Variants in AGMO observed in about 807,000 individuals in gnomAD.
The protein encoded by AGMO is alkylglycerol monooxygenase.
In AGMO, 75 loss-of-function variants were observed where a neutral mutation model predicts 60.2. The ratio of observed to expected loss-of-function variants is 1.25; its 90% CI spans 1.03 to 1.51. The LOEUF is 1.51. Among genes scored for constraint, AGMO ranks in the 40% most tolerant of loss-of-function variants. The pLI is 0.00. For missense variants in AGMO, 763 were observed against 525.5 expected (o/e 1.45, Z -4.42); for synonymous variants, 261 against 177.1 (o/e 1.47, Z -3.76).
intron 3 of AGMO, among the ~76,000 whole-genome samples, chr7:15,490,426 A>C (rs1377857691): frequency 6.6e-6 from 1 of 150,930 alleles, no homozygotes. Context: ...ATTCTTAACA[A>C]TCTTGGTCCC....
At chr7:15,330,094 TATAA>T (rs1563091022) in intron 12 of AGMO, among the ~76,000 whole-genome samples, 5 of 152,208 alleles carry the variant, frequency 3.3e-5, no homozygotes, top group Admixed American at 2.0e-4. Flanking sequence ...GAAGTTAATA[TATAA>T]AATGATTTCT....
At chr7:15,541,279 C>A (rs887266988) in intron 3 of AGMO, among the ~76,000 whole-genome samples, 10 of 152,028 alleles carry the variant, frequency 6.6e-5, no homozygotes, top group African/African-American at 2.4e-4. Flanking sequence ...TGGGCCACCA[C>A]ACCTGCTAAT....
intron 3 of AGMO, among the ~76,000 whole-genome samples, chr7:15,443,487 G>A (rs990466748): frequency 1.3e-5 from 2 of 152,116 alleles, no homozygotes; most frequent in Non-Finnish European, 2.9e-5. Context: ...CACCCACCAA[G>A]ATTTCATTAT....
rs73679498 is a variant in AGMO at position 15,389,838 on chromosome 7, G to C, written c.822+833C>G. Among the ~76,000 whole-genome samples the C allele has an allele frequency of 2.1e-4, 32 of 152,254 alleles. No individual in the cohort carries two copies. In the East Asian group the frequency reaches 6.2e-3, roughly 29 times the overall value. On this transcript the variant is annotated intron_variant, in intron 8 of 12. Coordinates refer to ENST00000342526, the MANE Select transcript of AGMO (RefSeq NM_001004320.2). ...ACATTAAATATTTTTCTGCTGCGCT[G>C]TTAGCAGTGCACATAGTAGAAGCTC... is the stretch of plus-strand genomic sequence containing the variant.
Position 15,243,209 on chromosome 7 carries a change from T to C in AGMO, c.1264-41850A>G, listed in dbSNP as rs376483019. 3.9e-5 allele frequency among the ~76,000 whole-genome samples: 6 copies of C among 152,234 alleles called. No homozygotes were observed. The East Asian group carries it at 7.7e-4, about 20-fold the overall frequency. ...CACTAAATCCAAATCATCAGGAAAA[T>C]GAACATCTTCAAATTAAATCCAAGT... On this transcript the variant is annotated intron_variant, in intron 12 of 12. Transcript: ENST00000342526.
At chr7:15,201,974 C>G (rs1429266838) in intron 12 of AGMO, among the ~76,000 whole-genome samples, 1 of 152,106 alleles carries the variant, frequency 6.6e-6, no homozygotes, top group Non-Finnish European at 1.5e-5. Flanking sequence ...AGGCTCTGGT[C>G]ATGGTCTTTG....
chr7:15,325,415 G>A (rs1398884364), intron 12 of AGMO, among the ~76,000 whole-genome samples: 1 of 151,432 alleles, frequency 6.6e-6, no homozygotes, highest in Non-Finnish European at 1.5e-5. Flanking sequence ...AGCGTTCAAG[G>A]GCATGTCAGA....
chr7:15,286,174 T>C (rs999945092), intron 12 of AGMO, among the ~76,000 whole-genome samples: 1 of 152,032 alleles, frequency 6.6e-6, no homozygotes, highest in Non-Finnish European at 1.5e-5. Flanking sequence ...AGGAAAATAA[T>C]TTATGACTAA....
Position 15,349,297 on chromosome 7 carries a change from C to T in AGMO, c.1263+16217G>A, listed in dbSNP as rs555570640. On this transcript the variant is annotated intron_variant, in intron 12 of 12. Transcript: ENST00000342526. ...GATTTGTCCCAGGCTCCCTAACGAT[C>T]TGAGTTCATTTTAACTTATCTGGAA... 6.6e-4 allele frequency among the ~76,000 whole-genome samples: 101 copies of T among 152,282 alleles called. 1 individual carries two copies. The South Asian group carries it at 0.012, about 19-fold the overall frequency.
At chr7:15,519,343 GAC>G (rs973082802) in intron 3 of AGMO, among the ~76,000 whole-genome samples, 31 of 151,580 alleles carry the variant, frequency 2.0e-4, no homozygotes, top group African/African-American at 7.3e-4. Context: ...GCAACCCCAA[GAC>G]ACATAAAGGT....
chr7:15,383,888 G>C (rs10262206), intron 10 of AGMO, among the ~76,000 whole-genome samples: 71,824 of 151,668 alleles, frequency 0.47, 20,227 homozygotes, highest in African/African-American at 0.8. Context: ...ATCTGTTTAT[G>C]TATTGACTTT....
chr7:15,206,455 T>G (rs1781442443), intron 12 of AGMO, among the ~76,000 whole-genome samples: 1 of 152,126 alleles, frequency 6.6e-6, no homozygotes, highest in Non-Finnish European at 1.5e-5. Flanking sequence ...TGTGCTTATT[T>G]CTATACCCCA....
chr7:15,269,455 A>G (rs780303681), intron 12 of AGMO, among the ~76,000 whole-genome samples: 1 of 152,074 alleles, frequency 6.6e-6, no homozygotes. Flanking sequence ...AGGAATGAGG[A>G]TACCAAACTC....
At chr7:15,389,792 T>C (rs1784063057) in intron 8 of AGMO, among the ~76,000 whole-genome samples, 1 of 152,166 alleles carries the variant, frequency 6.6e-6, no homozygotes, top group South Asian at 2.1e-4. Context: ...GCCACTACTT[T>C]ATAAGGTTTT....
At chr7:15,323,327 ATT>A (rs1313151756) in intron 12 of AGMO, among the ~76,000 whole-genome samples, 1 of 152,078 alleles carries the variant, frequency 6.6e-6, no homozygotes, top group East Asian at 1.9e-4. Context: ...TATATTGTTT[ATT>A]TTTGTTAATA....
chr7:15,384,716 C>CT (rs947347814), intron 10 of AGMO, among the ~76,000 whole-genome samples: 1 of 151,746 alleles, frequency 6.6e-6, no homozygotes, highest in Admixed American at 6.6e-5. Context: ...ACTTCACCTA[C>CT]TTACAATTTA....
At chr7:15,298,714 T>C (rs1020067907) in intron 12 of AGMO, among the ~76,000 whole-genome samples, 5 of 152,122 alleles carry the variant, frequency 3.3e-5, no homozygotes, top group African/African-American at 9.7e-5. Context: ...TGTTTTTCTA[T>C]ATCAAGCCAC....
chr7:15,260,285 C>G (rs1295738387), intron 12 of AGMO, among the ~76,000 whole-genome samples: 1 of 150,570 alleles, frequency 6.6e-6, no homozygotes, highest in African/African-American at 2.4e-5. Flanking sequence ...CACAGAAGGA[C>G]TCACTTACAT....
chr7:15,366,084 T>C, intron 11 of AGMO, 56 bp downstream of exon 11: 1 of 1,350,476 alleles, frequency 7.4e-7, no homozygotes, highest in Non-Finnish European at 1.0e-6. Context: ...TACCACTCTG[T>C]GGAAAATTCT....
Sources: allele counts gnomAD v4.1 joint callset (sites outside exome capture counted in the v4.1 genomes callset), GRCh38; gene constraint gnomAD v4.1.1; transcripts MANE v1.5; gene names NCBI Gene and HGNC (gene_info 2026-07-23, HGNC 2026-07-21).